VWDE: variants seen among roughly 807,000 people sequenced by gnomAD.
The protein encoded by VWDE is von Willebrand factor D and EGF domain-containing protein.
Under a neutral mutation model 178.4 loss-of-function variants are expected in VWDE, and 207 were observed. The ratio of observed to expected loss-of-function variants is 1.16; its 90% CI spans 1.04 to 1.30. The LOEUF is 1.30. Ranked by LOEUF, VWDE falls within the 50% of genes most tolerant of loss-of-function variation. VWDE has a pLI of 0.00. For missense variants in VWDE, 2,287 were observed against 1,901.3 expected (o/e 1.20, Z -3.77); for synonymous variants, 738 against 651.4 (o/e 1.13, Z -2.02).
intron 2 of VWDE, among the ~76,000 whole-genome samples, chr7:12,390,571 AAAT>A (rs1165360879): frequency 6.6e-6 from 1 of 151,634 alleles, no homozygotes; most frequent in Non-Finnish European, 1.5e-5. Context: ...TATAAAAGTT[AAAT>A]AATAAAATTA....
rs1426321428 is a variant in VWDE, at chr7:12,370,708, T to C, written c.1744A>G (p.Met582Val). ...PENDFHDKNG[M>V]QIDQNFNNYV... Reference sequence around the variant, plus strand: ...TTGTTAAAATTTTGATCAATTTGCATCCCATTTTTGTCATGGAAATCATTT... The same window carrying C: ...TTGTTAAAATTTTGATCAATTTGCACCCCATTTTTGTCATGGAAATCATTT... Residue 582 changes from methionine (M) to valine (V), a missense_variant, in exon 11 of 29, where the codon ATG becomes GTG. Transcript: ENST00000275358. The C allele has an allele frequency of 6.4e-7, 1 of 1,551,094 alleles. No homozygotes were observed. The highest frequency in any genetic ancestry group is 2.4e-5 in the East Asian group (1 of 40,910).
At chr7:12,351,336 C>A (rs977173070) in intron 19 of VWDE, among the ~76,000 whole-genome samples, 1 of 152,002 alleles carries the variant, frequency 6.6e-6, no homozygotes, top group Admixed American at 6.6e-5. Context: ...TAAGCTTCTC[C>A]GAAATCACTT....
At chr7:12,402,875 T>C (rs988567270) in intron 1 of VWDE, among the ~76,000 whole-genome samples, 3 of 152,188 alleles carry the variant, frequency 2.0e-5, no homozygotes, top group African/African-American at 4.8e-5. Flanking sequence ...TTGTACATAA[T>C]GTTTTTTCAA....
intron 19 of VWDE, among the ~76,000 whole-genome samples, chr7:12,351,060 T>C (rs1267138154): frequency 1.3e-5 from 2 of 152,098 alleles, no homozygotes; most frequent in East Asian, 1.9e-4. Flanking sequence ...GAATCAAAAA[T>C]GTCTTGAGAG....
At chr7:12,345,451 C>G (rs1274736876) in intron 19 of VWDE, among the ~76,000 whole-genome samples, 2 of 152,124 alleles carry the variant, frequency 1.3e-5, no homozygotes, top group South Asian at 2.1e-4. Context: ...TTGGAAGTGA[C>G]CATCTGAGCT....
chr7:12,388,935 C>A, intron 3 of VWDE, 192 bp downstream of exon 3: 1 of 710,532 alleles, frequency 1.4e-6, no homozygotes, highest in Non-Finnish European at 2.6e-6. Context: ...TGTGGGGGGA[C>A]TTTACAATCT....
chr7:12,388,928 G>C (rs1207060250), intron 3 of VWDE, 199 bp downstream of exon 3: 3 of 706,604 alleles, frequency 4.2e-6, no homozygotes, highest in Middle Eastern at 2.3e-4. Context: ...TTTCACGTGT[G>C]GGGGGACTTT....
chr7:12,371,754 T>TA (rs1192052953), intron 10 of VWDE, among the ~76,000 whole-genome samples: 1 of 152,086 alleles, frequency 6.6e-6, no homozygotes, highest in Non-Finnish European at 1.5e-5. Flanking sequence ...CGCCTGTCAA[T>TA]AAACACACTC....
rs761131688 is a variant in VWDE, at chr7:12,369,691, T to C, written c.2615A>G (p.Tyr872Cys). The C allele has an allele frequency of 1.3e-4, 205 of 1,551,686 alleles. 1 individual carries two copies. The highest frequency in any genetic ancestry group is 1.7e-4 in the Non-Finnish European group (196 of 1,146,948). The change falls in exon 12 of 29, where the codon TAT becomes TGT. Residue 872 changes from tyrosine to cysteine, a missense_variant. By Grantham distance (194) the Tyr-to-Cys change is radical (BLOSUM62 -2). Transcript: ENST00000275358. Reference sequence around the variant, plus strand: ...TGATGTGCCATACTCTTCTGTGTTATATTTCCCCTCCTCCACAATCCTCTT... The same window carrying C: ...TGATGTGCCATACTCTTCTGTGTTACATTTCCCCTCCTCCACAATCCTCTT... ...CEKRIVEEGK[Y>C]NTEEYGTSIE...
intron 9 of VWDE, among the ~76,000 whole-genome samples, chr7:12,374,292 T>C (rs779491514): frequency 3.9e-5 from 6 of 152,184 alleles, no homozygotes; most frequent in African/African-American, 1.4e-4. Flanking sequence ...TTAGGAGTAA[T>C]TAGTTTTAAA....
chr7:12,368,333 C>A (rs370166737), intron 12 of VWDE, among the ~76,000 whole-genome samples: 10 of 151,186 alleles, frequency 6.6e-5, no homozygotes, highest in African/African-American at 2.4e-4. Context: ...GAGATTAAGA[C>A]CATGGAATTG....
chr7:12,371,666 A>T (rs1783207252), intron 10 of VWDE, among the ~76,000 whole-genome samples: 1 of 152,140 alleles, frequency 6.6e-6, no homozygotes. Context: ...TTTACTTTCC[A>T]AACCAACTTA....
At chr7:12,358,757 G>C (rs892899410) in intron 16 of VWDE, among the ~76,000 whole-genome samples, 3 of 152,102 alleles carry the variant, frequency 2.0e-5, no homozygotes, top group African/African-American at 4.8e-5. Context: ...TCAAACTATA[G>C]CCATTGACAA....
chr7:12,342,369 A>G (rs770370770), intron 22 of VWDE, among the ~76,000 whole-genome samples: 14 of 152,216 alleles, frequency 9.2e-5, no homozygotes, highest in Admixed American at 3.9e-4. Flanking sequence ...GGGAAAAAAT[A>G]GAAAACCATT....
intron 7 of VWDE, 104 bp downstream of exon 7, chr7:12,377,672 A>T: frequency 1.5e-6 from 1 of 666,820 alleles, no homozygotes; most frequent in African/African-American, 1.9e-5. Context: ...TCAACATGCA[A>T]CATGATTTAT....
chr7:12,354,122 A>G (rs1026666010), intron 18 of VWDE: 4 of 184,572 alleles, frequency 2.2e-5, no homozygotes, highest in Admixed American at 6.3e-5. Flanking sequence ...GACACAGAAC[A>G]CTTTATTATA....
chr7:12,350,063 T>C (rs1362157054), intron 19 of VWDE, among the ~76,000 whole-genome samples: 1 of 151,692 alleles, frequency 6.6e-6, no homozygotes, highest in African/African-American at 2.4e-5. Context: ...ACCAAATAAT[T>C]AAGGAAAGGG....
At chr7:12,340,881 A>C (rs908679394) in intron 23 of VWDE, among the ~76,000 whole-genome samples, 7 of 152,240 alleles carry the variant, frequency 4.6e-5, no homozygotes, top group Non-Finnish European at 8.8e-5. Context: ...AATTAAAATG[A>C]GAACACTGCA....
At position 12,377,901 on chromosome 7, in the gene VWDE, G is replaced by T; in HGVS notation, c.899C>A (p.Thr300Asn). 2.0e-6 allele frequency: 3 copies of T among 1,487,358 alleles called. No individual in the cohort carries two copies. Among genetic ancestry groups the T allele is most frequent in the Non-Finnish European group, 2.7e-6 (3 of 1,120,236 alleles). The allele number at this position is 1,487,358 out of a possible 1,614,324, so 92.1% of individuals were successfully genotyped here. ...AGFKLQPELS[T>N]ISEDGKEYYL... The stretch of plus-strand genomic sequence containing the variant: ...GTATTCTTTCCCATCCTCTGATATA[G>T]TGCTCAATTCAGGCTGTAGCTGGTA... The change falls in exon 7 of 29, where the codon ACT becomes AAT. Residue 300 changes from threonine (T) to asparagine (N), a missense_variant. Coordinates refer to ENST00000275358, the MANE Select transcript of VWDE (RefSeq NM_001135924.3).
Sources: allele counts gnomAD v4.1 joint callset (sites outside exome capture counted in the v4.1 genomes callset), GRCh38; gene constraint gnomAD v4.1.1; transcripts MANE v1.5; gene names NCBI Gene and HGNC (gene_info 2026-07-23, HGNC 2026-07-21).